The following IQCJ variants were observed in gnomAD, a reference collection of about 807,000 sequenced individuals.
IQCJ encodes IQ motif containing J, also known as IQ domain-containing protein J.
Under a neutral mutation model 11.0 loss-of-function variants are expected in IQCJ, and 9 were observed. That is an observed-to-expected ratio of 0.82 (90% CI 0.49 to 1.43). The LOEUF (loss-of-function observed/expected upper bound fraction) is 1.43, where lower values mean the gene tolerates loss of function less well. Among genes scored for constraint, IQCJ ranks in the 40% most tolerant of loss-of-function variants. The pLI is 0.00. For missense variants in IQCJ, 146 were observed against 133.2 expected, an observed-to-expected ratio of 1.10 and a Z score of -0.47; for synonymous variants, 55 against 51.3, an observed-to-expected ratio of 1.07 and a Z score of -0.31.
chr3:159,221,682 G>A (rs914803603), intron 1 of IQCJ, among the ~76,000 whole-genome samples: 5 of 151,946 alleles, frequency 3.3e-5, no homozygotes, highest in African/African-American at 1.2e-4. Flanking sequence ...AAAAGACAAG[G>A]CCCTGCTGTC....
chr3:159,191,996 A>G (rs556884510), intron 1 of IQCJ, among the ~76,000 whole-genome samples: 50 of 152,346 alleles, frequency 3.3e-4, no homozygotes, highest in African/African-American at 1.2e-3. Flanking sequence ...TTTCATCAGA[A>G]AATGATTTCC....
At chr3:159,113,284 C>T (rs531729863) in intron 1 of IQCJ, among the ~76,000 whole-genome samples, 1 of 152,258 alleles carries the variant, frequency 6.6e-6, no homozygotes, top group Admixed American at 6.5e-5. Context: ...AAGTTTCTGA[C>T]TTAAGTGAGA....
chr3:159,196,469 G>T (rs995905040), intron 1 of IQCJ, among the ~76,000 whole-genome samples: 4 of 152,152 alleles, frequency 2.6e-5, no homozygotes, highest in African/African-American at 9.7e-5. Flanking sequence ...GAACAATTCA[G>T]TCAGAATATC....
intron 3 of IQCJ, 106 bp downstream of exon 3, chr3:159,252,913 T>A: frequency 2.7e-6 from 3 of 1,123,950 alleles, no homozygotes; most frequent in East Asian, 2.6e-5. Flanking sequence ...TATTTTACAT[T>A]CATGTGCTGC....
intron 2 of IQCJ, among the ~76,000 whole-genome samples, chr3:159,251,648 C>A (rs866473330): frequency 6.6e-6 from 1 of 151,910 alleles, no homozygotes; most frequent in Non-Finnish European, 1.5e-5. Context: ...CCCTACCTTA[C>A]CACATGCACA....
At chr3:159,215,779 G>C (rs78484378) in intron 1 of IQCJ, among the ~76,000 whole-genome samples, 5,363 of 152,142 alleles carry the variant, frequency 0.035, 284 homozygotes, top group African/African-American at 0.12. Flanking sequence ...GGACTCAGTT[G>C]AGAAGGATGT....
At chr3:159,143,081 A>C (rs771234188) in intron 1 of IQCJ, among the ~76,000 whole-genome samples, 9 of 152,234 alleles carry the variant, frequency 5.9e-5, no homozygotes, top group African/African-American at 1.9e-4. Context: ...AAGTGTGTAC[A>C]GTCATATCCG....
chr3:159,108,553 T>C (rs1264753845), intron 1 of IQCJ, among the ~76,000 whole-genome samples: 3 of 152,246 alleles, frequency 2.0e-5, no homozygotes, highest in Non-Finnish European at 2.9e-5. Context: ...AAATACCTTA[T>C]ACTCTATCAG....
intron 1 of IQCJ, among the ~76,000 whole-genome samples, chr3:159,232,043 A>T (rs1278025537): frequency 6.6e-6 from 1 of 152,042 alleles, no homozygotes; most frequent in Admixed American, 6.5e-5. Context: ...TAGTCTGGCT[A>T]GTGGTCTATC....
intron 1 of IQCJ, among the ~76,000 whole-genome samples, chr3:159,122,325 G>T (rs537329727): frequency 5.9e-4 from 90 of 152,308 alleles, no homozygotes; most frequent in African/African-American, 2.0e-3. Context: ...ATTACATGCA[G>T]ATTAAATGAA....
chr3:159,240,136 A>G (rs1307300855), intron 1 of IQCJ, among the ~76,000 whole-genome samples: 1 of 152,204 alleles, frequency 6.6e-6, no homozygotes, highest in Non-Finnish European at 1.5e-5. Flanking sequence ...TTCTTAGAAT[A>G]TGGAACCAGA....
At chr3:159,192,753 C>G (rs549620838) in intron 1 of IQCJ, among the ~76,000 whole-genome samples, 21 of 152,286 alleles carry the variant, frequency 1.4e-4, no homozygotes, top group African/African-American at 4.6e-4. Context: ...TGAAGGGTGG[C>G]CTGGACAACA....
chr3:159,120,082 T>C (rs1017710918), intron 1 of IQCJ, among the ~76,000 whole-genome samples: 1 of 152,196 alleles, frequency 6.6e-6, no homozygotes, highest in African/African-American at 2.4e-5. Context: ...TACTACATAG[T>C]CAAAAATTAG....
chr3:159,071,249 C>G (rs538348045), intron 1 of IQCJ, among the ~76,000 whole-genome samples: 2 of 151,700 alleles, frequency 1.3e-5, no homozygotes, highest in African/African-American at 4.8e-5. Context: ...AGAAATGGCC[C>G]CTTAAAACAG....
At chr3:159,259,911 G>A (rs2595238) in intron 3 of IQCJ, among the ~76,000 whole-genome samples, 53,577 of 151,952 alleles carry the variant, frequency 0.35, 10,064 homozygotes, top group Non-Finnish European at 0.43. Flanking sequence ...TAATAAGATC[G>A]TGTAATAAAT....
At chr3:159,218,644 A>G (rs114597408) in intron 1 of IQCJ, among the ~76,000 whole-genome samples, 60 of 152,270 alleles carry the variant, frequency 3.9e-4, no homozygotes, top group Non-Finnish European at 6.9e-4. Flanking sequence ...TAGGTTGAAG[A>G]AGTGTTTATA....
intron 1 of IQCJ, among the ~76,000 whole-genome samples, chr3:159,226,100 C>T (rs1725839379): frequency 1.3e-5 from 2 of 152,154 alleles, no homozygotes; most frequent in Non-Finnish European, 2.9e-5. Context: ...CAAGTGTTCA[C>T]CAGCCCTTCA....
chr3:159,168,994 G>C (rs558680812), intron 1 of IQCJ, among the ~76,000 whole-genome samples: 1 of 151,862 alleles, frequency 6.6e-6, no homozygotes, highest in East Asian at 1.9e-4. Context: ...TGATGATGAT[G>C]ATGATAAATA....
chr3:159,247,900 C>G (rs935791659), intron 2 of IQCJ, among the ~76,000 whole-genome samples: 2 of 152,060 alleles, frequency 1.3e-5, no homozygotes, highest in African/African-American at 4.8e-5. Context: ...TTTTCTCCTT[C>G]GGTTCAAAGA....
Sources: gnomAD v4.1 joint callset for allele counts (sites outside exome capture counted in the v4.1 genomes callset) on GRCh38, gnomAD v4.1.1 for gene constraint, MANE v1.5 for transcripts, NCBI Gene and HGNC (gene_info 2026-07-23, HGNC 2026-07-21) for gene names.